Variants in FLI1 observed in about 807,000 individuals in gnomAD.
FLI1 encodes Friend leukemia integration 1 transcription factor.
FLI1 carries 13 observed loss-of-function variants against 53.1 expected under a neutral mutation model. The ratio of observed to expected loss-of-function variants is 0.24; its 90% CI spans 0.16 to 0.39. The LOEUF (loss-of-function observed/expected upper bound fraction) is 0.39. Among genes scored for constraint, FLI1 ranks in the 10% least tolerant of loss-of-function variants. The pLI, the probability that FLI1 is intolerant of heterozygous loss-of-function variation, is 1.00. For synonymous variants in FLI1, 244 were observed against 236.7 expected, an observed-to-expected ratio of 1.03 and a Z score of -0.28; for missense variants, 424 against 600.5, an observed-to-expected ratio of 0.71 and a Z score of 3.07.
At chr11:128,713,873 A>G (rs1318006048) in intron 1 of FLI1, among the ~76,000 whole-genome samples, 1 of 152,178 alleles carries the variant, frequency 6.6e-6, no homozygotes, top group Non-Finnish European at 1.5e-5. Context: ...GCATTGCTAA[A>G]TTAAGTACCT....
In FLI1 at chr11:128,741,137, T is replaced by C. The variant is rs566183804; in HGVS notation, c.19-16978T>C. Among the ~76,000 whole-genome samples the C allele has an allele frequency of 2.4e-4, 37 of 152,334 alleles. 1 individual carries two copies. The South Asian group carries it at 7.7e-3, about 32-fold the overall frequency. ...AGCCAGGCATGGTGGCTCATGCTTA[T>C]AATCCCAGCACTTTGGGAGGCTGAG... On this transcript the variant is annotated intron_variant, in intron 1 of 8. Transcript: ENST00000527786.
chr11:128,717,162 C>T (rs979005647), intron 1 of FLI1, among the ~76,000 whole-genome samples: 1 of 152,120 alleles, frequency 6.6e-6, no homozygotes, highest in African/African-American at 2.4e-5. Flanking sequence ...CTTCCTCCCA[C>T]TTCAGCTTCA....
intron 5 of FLI1, among the ~76,000 whole-genome samples, chr11:128,795,625 A>G (rs1942414942): frequency 1.4e-5 from 2 of 144,004 alleles, no homozygotes; most frequent in Non-Finnish European, 1.5e-5. Flanking sequence ...AGTGACGCTC[A>G]CTGCAAGCTC....
chr11:128,796,379 G>A (rs7111807), intron 5 of FLI1, among the ~76,000 whole-genome samples: 15,135 of 152,182 alleles, frequency 0.099, 919 homozygotes, highest in East Asian at 0.26. Context: ...TTAGAGAGAG[G>A]CAGTTTTTTG....
At chr11:128,750,866 A>G (rs603962) in intron 1 of FLI1, among the ~76,000 whole-genome samples, 1 of 152,104 alleles carries the variant, frequency 6.6e-6, no homozygotes, top group Non-Finnish European at 1.5e-5. Context: ...TAAATTCGTG[A>G]ATGCACAGAT....
rs1400013079 is a variant in FLI1, at chr11:128,741,610, TCTC to T, written c.19-16502_19-16500del. Among the ~76,000 whole-genome samples the T allele has an allele frequency of 8.5e-5, 13 of 152,246 alleles. No individual in the cohort carries two copies. In the East Asian group the frequency reaches 2.1e-3, roughly 25 times the overall value. ...CCACAGTCAAGCCTTTGTGTCCCCT[TCTC>T]CTTCTTGCTGTGTGATCTGCAGAGG... On this transcript the variant is annotated intron_variant, in intron 1 of 8. Transcript: ENST00000527786.
intron 1 of FLI1, among the ~76,000 whole-genome samples, chr11:128,715,897 G>T (rs1002876323): frequency 6.6e-6 from 1 of 152,168 alleles, no homozygotes; most frequent in African/African-American, 2.4e-5. Flanking sequence ...ATTCCCTGTT[G>T]TATTGTTTAA....
chr11:128,689,146 T>C (rs1937642937), upstream of FLI1, among the ~76,000 whole-genome samples: 1 of 152,096 alleles, frequency 6.6e-6, no homozygotes, highest in Admixed American at 6.5e-5. Context: ...CCCTCAGAGC[T>C]AGTAAGTGTA....
At chr11:128,772,736 C>T (rs778394686) in intron 3 of FLI1, 46 bp from the exon 4 acceptor site, 2 of 1,538,446 alleles carry the variant, frequency 1.3e-6, no homozygotes, top group Admixed American at 1.7e-5. Context: ...CTCAGGGAGC[C>T]TCTACCTTCC....
chr11:128,718,002 T>C (rs1939090173), intron 1 of FLI1, among the ~76,000 whole-genome samples: 1 of 152,102 alleles, frequency 6.6e-6, no homozygotes, highest in Non-Finnish European at 1.5e-5. Flanking sequence ...GTATAGGGAG[T>C]GTTCCCTTGG....
At chr11:128,741,939 T>G (rs1303404507) in intron 1 of FLI1, among the ~76,000 whole-genome samples, 1 of 152,214 alleles carries the variant, frequency 6.6e-6, no homozygotes, top group Non-Finnish European at 1.5e-5. Context: ...GACAATGCAC[T>G]GCTTCCATTT....
At chr11:128,764,736 C>G in intron 2 of FLI1, 1 of 1,574,208 alleles carries the variant, frequency 6.4e-7, no homozygotes, top group East Asian at 2.3e-5. Flanking sequence ...GCCCCATGGC[C>G]GCACGCAGGG....
At chr11:128,730,311 C>T (rs601466) in intron 1 of FLI1, among the ~76,000 whole-genome samples, 122,993 of 152,208 alleles carry the variant, frequency 0.81, 50,027 homozygotes, top group East Asian at 0.96. Context: ...ACCCAGACTG[C>T]GGGTGTAGGC....
chr11:128,694,443 G>A (rs1937935988), intron 1 of FLI1, among the ~76,000 whole-genome samples, 167 bp downstream of exon 1: 1 of 133,438 alleles, frequency 7.5e-6, no homozygotes, highest in Admixed American at 7.4e-5. Context: ...AGTCCTACTC[G>A]CGGGCCAGCC....
At chr11:128,768,081 G>A in intron 2 of FLI1, 37 bp from the exon 3 acceptor site, 3 of 1,565,958 alleles carry the variant, frequency 1.9e-6, no homozygotes. Context: ...CCCTGTCAGT[G>A]CTGACCGCCT....
chr11:128,794,057 T>C (rs1290391760), intron 5 of FLI1, among the ~76,000 whole-genome samples: 1 of 152,228 alleles, frequency 6.6e-6, no homozygotes, highest in Admixed American at 6.5e-5. Flanking sequence ...ATCTGCAGAC[T>C]CTGGGATGTT....
intron 5 of FLI1, among the ~76,000 whole-genome samples, chr11:128,801,019 C>T (rs1387416774): frequency 1.3e-5 from 2 of 152,222 alleles, no homozygotes; most frequent in Non-Finnish European, 1.5e-5. Context: ...CTGATTAAGC[C>T]ATCTGCCACC....
chr11:128,693,606 G>A (rs1937855558), upstream of FLI1, among the ~76,000 whole-genome samples: 1 of 152,120 alleles, frequency 6.6e-6, no homozygotes, highest in Non-Finnish European at 1.5e-5. Context: ...GAATGAGTCA[G>A]GAGGGCCACC....
chr11:128,730,686 G>A (rs140819231), intron 1 of FLI1, among the ~76,000 whole-genome samples: 125 of 152,326 alleles, frequency 8.2e-4, no homozygotes, highest in African/African-American at 2.7e-3. Context: ...CAAGGGCTGC[G>A]TGATGGATAC....
Sources: gnomAD v4.1 joint callset for allele counts (sites outside exome capture counted in the v4.1 genomes callset) on GRCh38, gnomAD v4.1.1 for gene constraint, MANE v1.5 for transcripts, NCBI Gene and HGNC (gene_info 2026-07-23, HGNC 2026-07-21) for gene names.